TIMP3: variants seen among roughly 807,000 people sequenced by gnomAD.
TIMP3 encodes TIMP metallopeptidase inhibitor 3, also known as metalloproteinase inhibitor 3.
In TIMP3, 11 loss-of-function variants were observed where a neutral mutation model predicts 30.0. The ratio of observed to expected loss-of-function variants is 0.37; its 90% CI spans 0.23 to 0.61. The LOEUF (loss-of-function observed/expected upper bound fraction) is 0.61, where lower values mean the gene tolerates loss of function less well. Among genes scored for constraint, TIMP3 ranks in the 20% least tolerant of loss-of-function variants. TIMP3 has a pLI of 0.70. For synonymous variants in TIMP3, 112 were observed against 111.3 expected (o/e 1.01, Z -0.04); for missense variants, 181 against 276.8 (o/e 0.65, Z 2.45).
chr22:32,854,320 C>T (rs1008560770), intron 2 of TIMP3, among the ~76,000 whole-genome samples: 9 of 152,138 alleles, frequency 5.9e-5, no homozygotes, highest in African/African-American at 2.2e-4. Flanking sequence ...CTTCAAACTT[C>T]CAAGTAGCTG....
chr22:32,857,187 T>G, intron 2 of TIMP3, 62 bp from the exon 3 acceptor site: 1 of 1,259,692 alleles, frequency 7.9e-7, no homozygotes, highest in Non-Finnish European at 1.2e-6. Flanking sequence ...GCAGTGGGAT[T>G]AGGGATCATA....
intron 1 of TIMP3, among the ~76,000 whole-genome samples, chr22:32,847,332 C>A (rs920700467): frequency 2.0e-5 from 3 of 152,230 alleles, no homozygotes; most frequent in Admixed American, 2.0e-4. Context: ...AGGATCTTGA[C>A]AGACATTGGC....
intron 2 of TIMP3, among the ~76,000 whole-genome samples, chr22:32,856,967 G>A (rs2048386886): frequency 6.6e-6 from 1 of 152,168 alleles, no homozygotes; most frequent in African/African-American, 2.4e-5. Context: ...AGTTCCAGCT[G>A]CATTGCCACA....
intron 1 of TIMP3, among the ~76,000 whole-genome samples, chr22:32,820,726 C>T (rs926335667): frequency 3.9e-5 from 6 of 152,096 alleles, no homozygotes; most frequent in African/African-American, 1.4e-4. Flanking sequence ...AGGTTTGGGG[C>T]TTGGGATATG....
intron 1 of TIMP3, among the ~76,000 whole-genome samples, chr22:32,821,170 CCCGTCTCTG>C (rs2047237146): frequency 6.6e-6 from 1 of 152,158 alleles, no homozygotes; most frequent in Admixed American, 6.5e-5. Context: ...GAGATGGAAT[CCCGTCTCTG>C]CCTTTTACCA....
chr22:32,845,835 C>T (rs1313820843), intron 1 of TIMP3, among the ~76,000 whole-genome samples: 1 of 152,210 alleles, frequency 6.6e-6, no homozygotes, highest in African/African-American at 2.4e-5. Flanking sequence ...CTCCTCCCAC[C>T]CCACTTCCCT....
intron 2 of TIMP3, among the ~76,000 whole-genome samples, chr22:32,851,741 C>T (rs2048223707): frequency 6.6e-6 from 1 of 152,142 alleles, no homozygotes; most frequent in African/African-American, 2.4e-5. Flanking sequence ...TATATGACTC[C>T]CAAATCTCCC....
At chr22:32,807,322 A>T (rs5994636) in intron 1 of TIMP3, among the ~76,000 whole-genome samples, 4 of 94,862 alleles carry the variant, frequency 4.2e-5, no homozygotes, top group Non-Finnish European at 7.7e-5. Context: ...ATAATATATA[A>T]ATATATAATT....
At chr22:32,841,810 G>A (rs1332412735) in intron 1 of TIMP3, among the ~76,000 whole-genome samples, 1 of 152,042 alleles carries the variant, frequency 6.6e-6, no homozygotes, top group East Asian at 1.9e-4. Context: ...TAACAAGCCT[G>A]CACATCCTGC....
chr22:32,821,395 G>T (rs1471358844), intron 1 of TIMP3, among the ~76,000 whole-genome samples: 1 of 152,210 alleles, frequency 6.6e-6, no homozygotes, highest in Non-Finnish European at 1.5e-5. Context: ...AACCGCTAAG[G>T]TGTCATCAGT....
At chr22:32,815,285 C>T (rs954889407) in intron 1 of TIMP3, among the ~76,000 whole-genome samples, 1 of 152,184 alleles carries the variant, frequency 6.6e-6, no homozygotes, top group African/African-American at 2.4e-5. Context: ...GGTCCCAGTG[C>T]AGGGAACCCA....
In TIMP3 at chr22:32,859,945, G is replaced by A; in HGVS notation, c.*568G>A. 6.3e-6 allele frequency: 1 copy of A among 159,022 alleles called. No individual in the cohort carries two copies. The highest frequency in any genetic ancestry group is 1.9e-4 in the East Asian group (1 of 5,336). The allele number at this position is 159,022 out of a possible 1,614,324, so 9.9% of individuals were successfully genotyped here. ...TCCCAACCAGACTGTGTCTGTCTGT[G>A]TCTGCATGTAAGAGTGAGGGAGGGA... On this transcript the variant is annotated 3_prime_UTR_variant, in exon 5 of 5. Coordinates refer to ENST00000266085, the MANE Select transcript of TIMP3 (RefSeq NM_000362.5).
chr22:32,820,267 C>CGCGTGTGTGTGTGTGTGT, intron 1 of TIMP3, among the ~76,000 whole-genome samples: 1 of 143,448 alleles, frequency 7.0e-6, no homozygotes, highest in South Asian at 2.4e-4. Context: ...TGTGTGCGTG[C>CGCGTGTGTGTGTGTGTGT]GCGTGTGTGT....
intron 1 of TIMP3, among the ~76,000 whole-genome samples, chr22:32,835,269 A>C (rs573686645): frequency 6.6e-6 from 1 of 152,188 alleles, no homozygotes; most frequent in African/African-American, 2.4e-5. Context: ...AGCACCTACT[A>C]TGTTCCAGAC....
intron 1 of TIMP3, among the ~76,000 whole-genome samples, chr22:32,829,278 C>G (rs1328612288): frequency 1.3e-5 from 2 of 152,176 alleles, no homozygotes; most frequent in Non-Finnish European, 2.9e-5. Context: ...CCTGGTGGCT[C>G]AAAGAATTGC....
intron 1 of TIMP3, among the ~76,000 whole-genome samples, chr22:32,802,738 C>T (rs2046623731): frequency 6.6e-6 from 1 of 152,108 alleles, no homozygotes; most frequent in African/African-American, 2.4e-5. Context: ...TGACCCACGC[C>T]CTGGAGGCAC....
intron 1 of TIMP3, among the ~76,000 whole-genome samples, chr22:32,815,052 C>G (rs1291749308): frequency 2.0e-5 from 3 of 152,218 alleles, no homozygotes; most frequent in African/African-American, 7.2e-5. Context: ...TAGCATATCT[C>G]AGTTTGGACT....
intron 1 of TIMP3, among the ~76,000 whole-genome samples, chr22:32,822,155 C>G (rs1270459946): frequency 9.2e-6 from 1 of 108,322 alleles, no homozygotes; most frequent in South Asian, 3.1e-4. Flanking sequence ...AACTCCATCT[C>G]AAAAAAAAAA....
At chr22:32,858,254 A>AG in intron 4 of TIMP3, 116 bp downstream of exon 4, 6 of 1,457,956 alleles carry the variant, frequency 4.1e-6, no homozygotes, top group Non-Finnish European at 5.6e-6. Context: ...TGCATGTGTT[A>AG]GGCCAGGGCA....
Sources: allele counts gnomAD v4.1 joint callset (sites outside exome capture counted in the v4.1 genomes callset), GRCh38; gene constraint gnomAD v4.1.1; transcripts MANE v1.5; gene names NCBI Gene and HGNC (gene_info 2026-07-23, HGNC 2026-07-21).